Variants in CYTH3 observed in about 807,000 individuals in gnomAD.
The protein encoded by CYTH3 is cytohesin-3.
Under a neutral mutation model 55.1 loss-of-function variants are expected in CYTH3, and 23 were observed. The ratio of observed to expected loss-of-function variants is 0.42; its 90% confidence interval spans 0.30 to 0.59. CYTH3 has a LOEUF of 0.59. Ranked by LOEUF, CYTH3 falls within the 20% of genes least tolerant of loss-of-function variation. The probability of loss-of-function intolerance (pLI) is 0.20; values close to 1 mark genes in which losing one functional copy is unlikely to be tolerated. For missense variants in CYTH3, 413 were observed against 524.8 expected, an observed-to-expected ratio of 0.79 and a Z score of 2.08; for synonymous variants, 249 against 194.9, an observed-to-expected ratio of 1.28 and a Z score of -2.31.
At chr7:6,205,670 G>T (rs1784168100) in intron 1 of CYTH3, among the ~76,000 whole-genome samples, 1 of 151,938 alleles carries the variant, frequency 6.6e-6, no homozygotes, top group African/African-American at 2.4e-5. Flanking sequence ...AACAACTTAA[G>T]ATGCTACCAC....
intron 1 of CYTH3, among the ~76,000 whole-genome samples, chr7:6,252,344 AG>A (rs1417904645): frequency 1.3e-5 from 2 of 152,234 alleles, no homozygotes; most frequent in Admixed American, 1.3e-4. Flanking sequence ...TCTGCCTCCA[AG>A]GAAAATAATG....
chr7:6,272,410 G>GGGGGGGGGGGGGCC, intron 1 of CYTH3, 64 bp downstream of exon 1: 7 of 1,216,606 alleles, frequency 5.8e-6, no homozygotes, highest in Non-Finnish European at 7.4e-6. Flanking sequence ...CCGCGCCCTC[G>GGGGGGGGGGGGGCC]ACCCCCAGCC....
chr7:6,246,535 C>G (rs1390146553), intron 1 of CYTH3, among the ~76,000 whole-genome samples: 4 of 152,044 alleles, frequency 2.6e-5, no homozygotes, highest in African/African-American at 9.7e-5. Context: ...TGTGAACATC[C>G]TACTTTGAAT....
At chr7:6,215,827 G>A (rs1784413317) in intron 1 of CYTH3, among the ~76,000 whole-genome samples, 1 of 152,140 alleles carries the variant, frequency 6.6e-6, no homozygotes, top group African/African-American at 2.4e-5. Flanking sequence ...TACCTATAGA[G>A]GAGAAAGATA....
chr7:6,226,345 G>C (rs940484563), intron 1 of CYTH3, among the ~76,000 whole-genome samples: 1 of 152,156 alleles, frequency 6.6e-6, no homozygotes, highest in Non-Finnish European at 1.5e-5. Flanking sequence ...CTGCAGATTG[G>C]ATACAGCTGT....
intron 1 of CYTH3, among the ~76,000 whole-genome samples, chr7:6,224,288 A>G (rs1299478544): frequency 6.6e-6 from 1 of 151,272 alleles, no homozygotes; most frequent in Non-Finnish European, 1.5e-5. Context: ...CGCTATTAAC[A>G]AAGTGTGACA....
intron 4 of CYTH3, among the ~76,000 whole-genome samples, chr7:6,179,733 A>C (rs1190337479): frequency 7.5e-5 from 7 of 92,864 alleles, no homozygotes; most frequent in Non-Finnish European, 1.5e-4. Flanking sequence ...ACACACACAC[A>C]CCCACCACAC....
At chr7:6,232,518 C>G (rs1048449327) in intron 1 of CYTH3, among the ~76,000 whole-genome samples, 3 of 152,222 alleles carry the variant, frequency 2.0e-5, no homozygotes, top group African/African-American at 7.2e-5. Context: ...CTCCCTGCAG[C>G]CTCCTGTTGT....
chr7:6,182,236 G>C (rs1409296925), intron 4 of CYTH3, among the ~76,000 whole-genome samples: 2 of 152,098 alleles, frequency 1.3e-5, no homozygotes, highest in Non-Finnish European at 2.9e-5. Context: ...TTTTAGTAGA[G>C]ATGGGGTTTC....
chr7:6,225,346 GA>G (rs971058529), intron 1 of CYTH3, among the ~76,000 whole-genome samples: 8 of 151,162 alleles, frequency 5.3e-5, no homozygotes, highest in Non-Finnish European at 1.0e-4. Context: ...TAAGATGAAG[GA>G]AAAAAAATTT....
chr7:6,191,627 ACT>A (rs1783807024), intron 1 of CYTH3, among the ~76,000 whole-genome samples: 2 of 132,240 alleles, frequency 1.5e-5, no homozygotes, highest in African/African-American at 5.8e-5. Flanking sequence ...ACAGAATCTG[ACT>A]CTGTCACCCT....
At chr7:6,194,759 G>A (rs1397197053) in intron 1 of CYTH3, among the ~76,000 whole-genome samples, 1 of 152,170 alleles carries the variant, frequency 6.6e-6, no homozygotes, top group Non-Finnish European at 1.5e-5. Flanking sequence ...GGCGGATCAT[G>A]ACGTCAAGAG....
intron 1 of CYTH3, among the ~76,000 whole-genome samples, chr7:6,213,451 G>T (rs558268367): frequency 1.3e-5 from 2 of 152,054 alleles, no homozygotes; most frequent in African/African-American, 4.8e-5. Flanking sequence ...CTTTAATAAC[G>T]TTGGTGCCTA....
intron 1 of CYTH3, among the ~76,000 whole-genome samples, chr7:6,241,120 CA>C (rs892585371): frequency 3.6e-4 from 51 of 141,890 alleles, no homozygotes; most frequent in Non-Finnish European, 4.2e-4. Flanking sequence ...AGACTCATCT[CA>C]AAAAAAAAAA....
chr7:6,199,690 G>A (rs1020691226), intron 1 of CYTH3, among the ~76,000 whole-genome samples: 1 of 152,246 alleles, frequency 6.6e-6, no homozygotes, highest in East Asian at 1.9e-4. Flanking sequence ...ATTTGTTACC[G>A]ATGCAAAACA....
chr7:6,238,605 C>T (rs1374274779), intron 1 of CYTH3, among the ~76,000 whole-genome samples: 4 of 152,150 alleles, frequency 2.6e-5, no homozygotes. Context: ...GATACTATAA[C>T]GGTGGGTACT....
chr7:6,266,203 T>C (rs1467391390), intron 1 of CYTH3, among the ~76,000 whole-genome samples: 1 of 152,074 alleles, frequency 6.6e-6, no homozygotes, highest in Non-Finnish European at 1.5e-5. Context: ...GAGTCAAGAA[T>C]ATGCTTCTTT....
At chr7:6,216,162 TG>T (rs1784419844) in intron 1 of CYTH3, among the ~76,000 whole-genome samples, 1 of 152,154 alleles carries the variant, frequency 6.6e-6, no homozygotes, top group South Asian at 2.1e-4. Context: ...CTTCTCCTCT[TG>T]GGTTTTCTCA....
At chr7:6,269,920 T>A (rs1233355762) in intron 1 of CYTH3, among the ~76,000 whole-genome samples, 2 of 152,252 alleles carry the variant, frequency 1.3e-5, no homozygotes, top group Non-Finnish European at 2.9e-5. Flanking sequence ...AACTACTGTT[T>A]GAATAGATTA....
Sources: gnomAD v4.1 joint callset for allele counts (sites outside exome capture counted in the v4.1 genomes callset) on GRCh38, gnomAD v4.1.1 for gene constraint, MANE v1.5 for transcripts, NCBI Gene and HGNC (gene_info 2026-07-23, HGNC 2026-07-21) for gene names.